Variants in PHF14 observed in about 807,000 individuals in gnomAD.
PHF14 encodes PHD finger protein 14.
In PHF14, 55 loss-of-function variants were observed where a neutral mutation model predicts 117.9. The observed-to-expected ratio is 0.47, with a 90% CI of 0.38 to 0.58. PHF14 has a LOEUF of 0.58. Among genes scored for constraint, PHF14 ranks in the 20% least tolerant of loss-of-function variants. PHF14 has a pLI of 0.00. For synonymous variants in PHF14, 409 were observed against 368.6 expected (o/e 1.11, Z -1.26); for missense variants, 978 against 1,122.2 (o/e 0.87, Z 1.84).
intron 16 of PHF14, among the ~76,000 whole-genome samples, chr7:11,089,707 C>T (rs1428388627): frequency 1.3e-5 from 2 of 149,210 alleles, no homozygotes; most frequent in Non-Finnish European, 1.5e-5. Context: ...CATGAATATA[C>T]TATTAAAAGT....
intron 17 of PHF14, among the ~76,000 whole-genome samples, chr7:11,166,372 A>T (rs1789202518): frequency 6.6e-6 from 1 of 151,502 alleles, no homozygotes; most frequent in African/African-American, 2.4e-5. Flanking sequence ...ATTTTTGCTT[A>T]CCTATAATAT....
rs569889523 is a variant in PHF14 at position 11,009,656 on chromosome 7, A to G, written c.1046-4091A>G. ...ATACAGTGCTAGAACTTTGGTCTAG[A>G]GCTCAGTAAACCCAACAGGTATGAC... On this transcript the variant is annotated intron_variant, in intron 4 of 17. Transcript: ENST00000634607. Among the ~76,000 whole-genome samples the G allele has an allele frequency of 3.3e-5, 5 of 152,360 alleles. No homozygotes were observed. In the South Asian group the frequency reaches 8.3e-4, roughly 25 times the overall value.
chr7:11,101,099 A>G (rs1787069825), intron 16 of PHF14, among the ~76,000 whole-genome samples: 1 of 151,908 alleles, frequency 6.6e-6, no homozygotes, highest in Non-Finnish European at 1.5e-5. Context: ...GATAGGAGCC[A>G]AGAGAAGTCA....
intron 2 of PHF14, among the ~76,000 whole-genome samples, chr7:10,978,440 G>A (rs980220508): frequency 2.6e-5 from 4 of 152,102 alleles, no homozygotes; most frequent in African/African-American, 7.2e-5. Context: ...ATGAACAGAA[G>A]GATTTAGATA....
intron 17 of PHF14, among the ~76,000 whole-genome samples, chr7:11,154,272 A>ATG (rs543261785): frequency 8.6e-5 from 13 of 151,686 alleles, no homozygotes; most frequent in South Asian, 6.3e-4. Context: ...CCACTTGAGT[A>ATG]TGTGTGTGTG....
At chr7:10,987,417 A>G (rs1052617818) in intron 3 of PHF14, among the ~76,000 whole-genome samples, 3 of 151,358 alleles carry the variant, frequency 2.0e-5, no homozygotes, top group Non-Finnish European at 4.4e-5. Flanking sequence ...TTACAGTCAT[A>G]TGTGGAATAT....
At chr7:11,104,397 T>G in intron 16 of PHF14, 1 of 958,450 alleles carries the variant, frequency 1.0e-6, no homozygotes, top group Non-Finnish European at 1.2e-6. Flanking sequence ...TAATAATCTC[T>G]TAAATGCTCT....
At chr7:11,124,476 CTAATAA>C (rs1445132030) in intron 17 of PHF14, among the ~76,000 whole-genome samples, 1 of 151,920 alleles carries the variant, frequency 6.6e-6, no homozygotes, top group Non-Finnish European at 1.5e-5. Flanking sequence ...AAGTATCATA[CTAATAA>C]TAATAATAGA....
chr7:11,035,573 G>A (rs1210697222), intron 7 of PHF14, 67 bp from the exon 8 acceptor site: 7 of 926,854 alleles, frequency 7.6e-6, no homozygotes, highest in Non-Finnish European at 1.1e-5. Flanking sequence ...ATATTCTTTT[G>A]TGTTAGGTCT....
At chr7:11,004,282 A>G (rs1488914757) in intron 4 of PHF14, among the ~76,000 whole-genome samples, 1 of 150,068 alleles carries the variant, frequency 6.7e-6, no homozygotes, top group African/African-American at 2.4e-5. Flanking sequence ...AAAGAAAAAG[A>G]AAACATCTCT....
At chr7:11,079,087 G>T (rs1422348344) in intron 16 of PHF14, among the ~76,000 whole-genome samples, 2 of 152,110 alleles carry the variant, frequency 1.3e-5, no homozygotes, top group Non-Finnish European at 2.9e-5. Flanking sequence ...ATGAATTAAG[G>T]TTATCAGTTT....
intron 16 of PHF14, among the ~76,000 whole-genome samples, chr7:11,080,368 G>GT (rs969243103): frequency 6.6e-6 from 1 of 152,068 alleles, no homozygotes; most frequent in East Asian, 1.9e-4. Context: ...ACTACTTGGT[G>GT]TTTTTTTCCC....
chr7:11,089,812 C>T (rs1331635970), intron 16 of PHF14, among the ~76,000 whole-genome samples: 1 of 144,380 alleles, frequency 6.9e-6, no homozygotes, highest in Non-Finnish European at 1.5e-5. Context: ...CTCTTGTTGC[C>T]CAGGCTGGAG....
chr7:11,003,722 C>T (rs1782963949), intron 4 of PHF14, among the ~76,000 whole-genome samples: 1 of 151,966 alleles, frequency 6.6e-6, no homozygotes, highest in African/African-American at 2.4e-5. Context: ...AGTTTATTAC[C>T]TTGAATTAAT....
chr7:11,149,633 A>G lies in PHF14; in HGVS notation c.2773-19783A>G, dbSNP rs57951445. ...TTCCTAGAACTACACTTGGTGGGCA[A>G]TATTCCTTTTAATCAGTCTTGAAAT... On this transcript the variant is annotated intron_variant, in intron 17 of 17. Coordinates refer to ENST00000634607, the MANE Select transcript of PHF14 (RefSeq NM_001007157.2). Among the ~76,000 whole-genome samples the G allele has an allele frequency of 6.2e-3, 950 of 152,302 alleles. 7 individuals carry two copies. Among genetic ancestry groups the G allele is most frequent in the African/African-American group, 0.022 (909 of 41,576 alleles).
intron 13 of PHF14, among the ~76,000 whole-genome samples, chr7:11,047,113 G>C (rs1056239946): frequency 1.3e-5 from 2 of 151,086 alleles, no homozygotes; most frequent in Non-Finnish European, 2.9e-5. Flanking sequence ...CTGTCACCCA[G>C]GCTGGGGTGC....
chr7:11,016,404 GATTA>G (rs1202218421), intron 5 of PHF14, among the ~76,000 whole-genome samples: 8 of 152,214 alleles, frequency 5.3e-5, no homozygotes, highest in South Asian at 2.1e-4. Flanking sequence ...CATCACATGA[GATTA>G]ATTAGACTTT....
intron 17 of PHF14, among the ~76,000 whole-genome samples, chr7:11,122,270 T>C (rs1420335959): frequency 1.4e-5 from 2 of 147,070 alleles, no homozygotes; most frequent in African/African-American, 5.1e-5. Context: ...CAGTTTACCA[T>C]GGGTAACTGA....
chr7:11,113,882 A>G, intron 17 of PHF14, among the ~76,000 whole-genome samples: 1 of 152,180 alleles, frequency 6.6e-6, no homozygotes, highest in East Asian at 1.9e-4. Context: ...GAAGCTGTAT[A>G]TTATTAACAT....
Sources: allele counts gnomAD v4.1 joint callset (sites outside exome capture counted in the v4.1 genomes callset), GRCh38; gene constraint gnomAD v4.1.1; transcripts MANE v1.5; gene names NCBI Gene and HGNC (gene_info 2026-07-23, HGNC 2026-07-21).